The following BBOX1 variants were observed in gnomAD, a reference collection of about 807,000 sequenced individuals.
BBOX1 encodes gamma-butyrobetaine dioxygenase.
BBOX1 carries 35 observed loss-of-function variants against 41.6 expected under a neutral mutation model. That is an observed-to-expected ratio of 0.84 (90% CI 0.64 to 1.11). The LOEUF (loss-of-function observed/expected upper bound fraction) is 1.11. BBOX1 is among the 50% of genes most tolerant of loss of function. The pLI, the probability that BBOX1 is intolerant of heterozygous loss-of-function variation, is 0.00. For synonymous variants in BBOX1, 163 were observed against 154.7 expected (o/e 1.05, Z -0.40); for missense variants, 458 against 460.6 (o/e 0.99, Z 0.05).
At chr11:27,105,518 T>C (rs1430317382) in intron 5 of BBOX1, among the ~76,000 whole-genome samples, 1 of 151,880 alleles carries the variant, frequency 6.6e-6, no homozygotes, top group Admixed American at 6.6e-5. Flanking sequence ...ATAAATGAAA[T>C]GAAGTGAGAA....
intron 4 of BBOX1, among the ~76,000 whole-genome samples, chr11:27,082,394 G>A (rs1857877937): frequency 6.6e-6 from 1 of 152,224 alleles, no homozygotes; most frequent in Admixed American, 6.5e-5. Context: ...GGCCTTCTGT[G>A]ATCTTTTTAT....
chr11:27,095,180 G>A (rs1399953527), intron 5 of BBOX1, among the ~76,000 whole-genome samples: 1 of 151,886 alleles, frequency 6.6e-6, no homozygotes, highest in Non-Finnish European at 1.5e-5. Context: ...GTGTTAAACA[G>A]GACACTTTGA....
intron 7 of BBOX1, among the ~76,000 whole-genome samples, chr11:27,121,653 C>T (rs1166223596): frequency 6.6e-6 from 1 of 152,046 alleles, no homozygotes; most frequent in African/African-American, 2.4e-5. Flanking sequence ...AAAAGATAGA[C>T]GTCAAGAATG....
At chr11:27,075,540 T>C (rs1420308251) in intron 4 of BBOX1, among the ~76,000 whole-genome samples, 3 of 152,040 alleles carry the variant, frequency 2.0e-5, no homozygotes, top group Non-Finnish European at 2.9e-5. Flanking sequence ...ACTGAGATCT[T>C]ACCAGGGGGA....
At chr11:27,048,152 C>T (rs75155096) in intron 2 of BBOX1, among the ~76,000 whole-genome samples, 1,941 of 152,116 alleles carry the variant, frequency 0.013, 132 homozygotes, top group Admixed American at 0.1. Context: ...CAGCAAATTT[C>T]GAATACACAA....
Position 27,044,989 on chromosome 11 carries a change from G to T in BBOX1, c.-39+3511G>T, listed in dbSNP as rs544978177. Among the ~76,000 whole-genome samples, 5 of 152,258 alleles carry T rather than the reference G, an allele frequency of 3.3e-5. No individual in the cohort carries two copies. In the South Asian group the frequency reaches 8.3e-4, roughly 25 times the overall value. ...AGAAAGTCAATTATAGCTTGATGGG[G>T]ATAGCATTGAATCTATAAATTACCT... On this transcript the variant is annotated intron_variant, in intron 2 of 8. Transcript: ENST00000263182.
At chr11:27,090,697 G>GA (rs1222670709) in intron 4 of BBOX1, among the ~76,000 whole-genome samples, 2 of 151,828 alleles carry the variant, frequency 1.3e-5, no homozygotes, top group Non-Finnish European at 2.9e-5. Context: ...CCAGGGCAGA[G>GA]TTTTTCCCCA....
At chr11:27,121,495 T>A (rs1378619156) in intron 7 of BBOX1, among the ~76,000 whole-genome samples, 2 of 152,194 alleles carry the variant, frequency 1.3e-5, no homozygotes, top group East Asian at 3.8e-4. Context: ...AGGAAGCTAC[T>A]GCATGACTCC....
Position 27,127,348 on chromosome 11 carries a change from A to G in BBOX1, c.1059A>G (p.Glu353=). The G allele has an allele frequency of 1.2e-6, 2 of 1,614,074 alleles. No homozygotes were observed. Among genetic ancestry groups the G allele is most frequent in the East Asian group, 2.2e-5 (1 of 44,892 alleles). The change falls in exon 9 of 9, where the codon GAA becomes GAG. Residue 353 remains glutamate, a synonymous_variant. Transcript: ENST00000263182. ...TACTTCATGGCCGACGTAGCTATGA[A>G]GCAGGAACTGAGATATCCCGCCATC... The part of the protein sequence containing the change: ...WRLLHGRRSY[E]AGTEISRHLE...
At chr11:27,115,390 C>A in intron 5 of BBOX1, 62 bp from the exon 6 acceptor site, 2 of 1,302,996 alleles carry the variant, frequency 1.5e-6, no homozygotes, top group Non-Finnish European at 1.1e-6. Context: ...CAAATTCATT[C>A]TAATGCATTT....
At chr11:27,051,718 C>A (rs1361287842) in intron 2 of BBOX1, among the ~76,000 whole-genome samples, 1 of 151,688 alleles carries the variant, frequency 6.6e-6, no homozygotes, top group Non-Finnish European at 1.5e-5. Flanking sequence ...CTTAGGTTAG[C>A]TAATGGTTTG....
intron 2 of BBOX1, among the ~76,000 whole-genome samples, chr11:27,054,421 T>G (rs1474468716): frequency 6.6e-6 from 1 of 152,172 alleles, no homozygotes; most frequent in Non-Finnish European, 1.5e-5. Context: ...CCACGTAAGT[T>G]TAGAGTGCTG....
chr11:27,055,403 A>G lies in BBOX1; in HGVS notation c.-28A>G. The G allele has an allele frequency of 6.2e-7, 1 of 1,601,588 alleles. No homozygotes were observed. Among genetic ancestry groups the G allele is most frequent in the Non-Finnish European group, 8.5e-7 (1 of 1,170,606 alleles). ...ACTGATTTGTCATAGCAGGTAGCTG[A>G]CAGCATCTACTCCTGAAGACCGGAA... On this transcript the variant is annotated 5_prime_UTR_variant, in exon 3 of 9. Transcript: ENST00000263182.
At chr11:27,096,175 C>T (rs776332276) in intron 5 of BBOX1, among the ~76,000 whole-genome samples, 2 of 151,928 alleles carry the variant, frequency 1.3e-5, no homozygotes, top group Non-Finnish European at 2.9e-5. Context: ...TGAACTCTCA[C>T]AATGATGTGC....
chr11:27,126,423 T>C (rs2134120202), intron 8 of BBOX1, among the ~76,000 whole-genome samples: 1 of 152,160 alleles, frequency 6.6e-6, no homozygotes, highest in Non-Finnish European at 1.5e-5. Context: ...GGGGAAAAAA[T>C]ACAAAAAATA....
At chr11:27,117,917 T>C (rs1859325208) in intron 6 of BBOX1, among the ~76,000 whole-genome samples, 1 of 151,976 alleles carries the variant, frequency 6.6e-6, no homozygotes, top group South Asian at 2.1e-4. Flanking sequence ...AGGGTGACAT[T>C]TGATTAAGGA....
At chr11:27,085,181 A>C (rs1275985657) in intron 4 of BBOX1, among the ~76,000 whole-genome samples, 1 of 152,146 alleles carries the variant, frequency 6.6e-6, no homozygotes, top group Non-Finnish European at 1.5e-5. Flanking sequence ...TTCCTGCTGG[A>C]CTTAATAAAA....
At chr11:27,123,790 C>T (rs1381829728) in intron 7 of BBOX1, among the ~76,000 whole-genome samples, 1 of 152,118 alleles carries the variant, frequency 6.6e-6, no homozygotes, top group Non-Finnish European at 1.5e-5. Context: ...ATCCAAAAGG[C>T]TCAGAATTCT....
intron 5 of BBOX1, among the ~76,000 whole-genome samples, chr11:27,108,795 C>T (rs1858952901): frequency 6.6e-6 from 1 of 151,848 alleles, no homozygotes. Flanking sequence ...ATCCTCAATC[C>T]CAGGGAACAG....
Sources: allele counts gnomAD v4.1 joint callset (sites outside exome capture counted in the v4.1 genomes callset), GRCh38; gene constraint gnomAD v4.1.1; transcripts MANE v1.5; gene names NCBI Gene and HGNC (gene_info 2026-07-23, HGNC 2026-07-21).